Variants in FUT8 observed in about 807,000 individuals in gnomAD.
FUT8 encodes the protein fucosyltransferase 8.
Under a neutral mutation model 71.3 loss-of-function variants are expected in FUT8, and 29 were observed. The observed-to-expected ratio is 0.41, with a 90% CI of 0.30 to 0.55. The LOEUF is 0.55. FUT8 is among the 20% of genes least tolerant of loss of function. The probability of loss-of-function intolerance (pLI) is 0.34; values close to 1 mark genes in which losing one functional copy is unlikely to be tolerated. For synonymous variants in FUT8, 254 were observed against 239.3 expected (o/e 1.06, Z -0.57); for missense variants, 544 against 702.1 (o/e 0.77, Z 2.55).
chr14:65,368,233 T>G, the FUT8 span, among the ~76,000 whole-genome samples: 2 of 147,448 alleles, frequency 1.4e-5, no homozygotes, highest in Non-Finnish European at 3.0e-5. Context: ...TTTTGTATTT[T>G]TAGTAGAGAC....
intron 1 of FUT8, among the ~76,000 whole-genome samples, chr14:65,435,251 A>G: frequency 6.6e-6 from 1 of 152,110 alleles, no homozygotes; most frequent in East Asian, 1.9e-4. Flanking sequence ...TGTTGTTTAT[A>G]TGTATTATTT....
At chr14:65,700,236 A>G (rs546156396) in intron 7 of FUT8, among the ~76,000 whole-genome samples, 7 of 152,150 alleles carry the variant, frequency 4.6e-5, no homozygotes, top group African/African-American at 1.7e-4. Context: ...CCATGACATC[A>G]AGGCCTGAAT....
intron 3 of FUT8, among the ~76,000 whole-genome samples, chr14:65,610,795 G>A (rs888336089): frequency 3.9e-4 from 59 of 151,902 alleles, no homozygotes; most frequent in African/African-American, 1.4e-3. Flanking sequence ...AAAAAATTTT[G>A]TCTATAGGAA....
rs1480837374 is a variant in FUT8, at chr14:65,743,546, A to G, written c.*1136A>G. 1 of 151,830 alleles carries G rather than the reference A, an allele frequency of 6.6e-6. No homozygotes were observed. Among genetic ancestry groups the G allele is most frequent in the Non-Finnish European group, 1.5e-5 (1 of 67,876 alleles). The allele number at this position is 151,830 out of a possible 1,614,324, so 9.4% of individuals were successfully genotyped here. A position where few individuals can be genotyped will look rare whatever the true frequency, so the allele number is the denominator to read the frequency against. Reference sequence around the variant, plus strand: ...GAGTAGGGTCCTGTTTTATCCAGGAACCAATTTCTGCCCTAGCCTATCATG... The same window carrying G: ...GAGTAGGGTCCTGTTTTATCCAGGAGCCAATTTCTGCCCTAGCCTATCATG... On this transcript the variant is annotated 3_prime_UTR_variant, in exon 11 of 11. Coordinates refer to ENST00000673929, the MANE Select transcript of FUT8 (RefSeq NM_001371533.1).
chr14:65,628,873 A>G (rs1430565704), intron 5 of FUT8, among the ~76,000 whole-genome samples: 2 of 152,236 alleles, frequency 1.3e-5, no homozygotes, highest in Non-Finnish European at 2.9e-5. Flanking sequence ...ATAAAGTTTT[A>G]TTCAAACACA....
At chr14:65,393,810 T>A in the FUT8 span, among the ~76,000 whole-genome samples, 1 of 152,260 alleles carries the variant, frequency 6.6e-6, no homozygotes, top group Admixed American at 6.5e-5. Context: ...TGAGACTAGA[T>A]AATTTATAAA....
chr14:65,377,876 G>A, the FUT8 span, among the ~76,000 whole-genome samples: 2 of 151,874 alleles, frequency 1.3e-5, no homozygotes, highest in East Asian at 1.9e-4. Context: ...GATATAATAC[G>A]GTTATAAAGC....
At chr14:65,657,989 CTT>C (rs1891770283) in intron 6 of FUT8, among the ~76,000 whole-genome samples, 3 of 151,836 alleles carry the variant, frequency 2.0e-5, no homozygotes. Context: ...AAAATAGAAA[CTT>C]TTTACTTACC....
At position 65,483,998 on chromosome 14, in the gene FUT8, AT is replaced by A. The variant is rs1437121624; in HGVS notation, c.-228+28282del. Among the ~76,000 whole-genome samples, 36 of 152,300 alleles carry A rather than the reference AT, an allele frequency of 2.4e-4. No homozygotes were observed. Among genetic ancestry groups the A allele is most frequent in the African/African-American group, 8.2e-4 (34 of 41,556 alleles). Reference sequence around the variant, plus strand: ...CTCCTCGGCCTCCCAAAGTGCTGGGATTAAAGGCGTGAGCCACCACACCCGG... The same window carrying A: ...CTCCTCGGCCTCCCAAAGTGCTGGGATAAAGGCGTGAGCCACCACACCCGG... On this transcript the variant is annotated intron_variant, in intron 2 of 10. Coordinates refer to ENST00000673929, the MANE Select transcript of FUT8 (RefSeq NM_001371533.1). This position sits in a 1 kb window ranked among gnomAD's most constrained non-coding sequence, Gnocchi z 4.4.
chr14:65,712,188 G>A (rs751571159), intron 7 of FUT8, among the ~76,000 whole-genome samples: 67 of 152,166 alleles, frequency 4.4e-4, no homozygotes, highest in Non-Finnish European at 7.2e-4. Flanking sequence ...TTTGGGTCTC[G>A]TAGTTACTAC....
At chr14:65,676,604 C>T (rs1373454387) in intron 7 of FUT8, among the ~76,000 whole-genome samples, 1 of 151,120 alleles carries the variant, frequency 6.6e-6, no homozygotes, top group Non-Finnish European at 1.5e-5. Flanking sequence ...CCCCCCACCC[C>T]TCCTTCCTTC....
chr14:65,378,837 G>GTGTTT, the FUT8 span, among the ~76,000 whole-genome samples: 1 of 66,850 alleles, frequency 1.5e-5, no homozygotes, highest in Admixed American at 2.4e-4. Flanking sequence ...TCACAAGAAG[G>GTGTTT]TTTTTTTTTT....
At chr14:65,684,040 A>G (rs1252772448) in intron 7 of FUT8, among the ~76,000 whole-genome samples, 1 of 151,956 alleles carries the variant, frequency 6.6e-6, no homozygotes. Context: ...ATATATATTA[A>G]TGATAAGTAG....
chr14:65,480,299 ATT>A (rs5809276), intron 2 of FUT8, among the ~76,000 whole-genome samples: 1,171 of 96,920 alleles, frequency 0.012, 8 homozygotes, highest in African/African-American at 0.028. Context: ...ATGAACTGTG[ATT>A]TTTTTTTTTT....
intron 2 of FUT8, among the ~76,000 whole-genome samples, chr14:65,510,016 C>A (rs114044999): frequency 1.6e-4 from 25 of 152,040 alleles, no homozygotes; most frequent in Non-Finnish European, 3.4e-4. Flanking sequence ...TGTTTCAGAT[C>A]GTAAAAGACA....
chr14:65,693,445 G>T (rs28434531), intron 7 of FUT8, among the ~76,000 whole-genome samples: 1 of 152,206 alleles, frequency 6.6e-6, no homozygotes, highest in Non-Finnish European at 1.5e-5. Flanking sequence ...GCAGTGAGCC[G>T]AGACGGCGAG....
At chr14:65,504,138 G>C (rs185169978) in intron 2 of FUT8, among the ~76,000 whole-genome samples, 6 of 152,048 alleles carry the variant, frequency 3.9e-5, no homozygotes, top group Middle Eastern at 3.2e-3. Flanking sequence ...AAACTGCGAG[G>C]CTTTTTTGTA....
intron 2 of FUT8, among the ~76,000 whole-genome samples, chr14:65,481,990 G>GTT (rs1475574392): frequency 2.6e-5 from 4 of 151,964 alleles, no homozygotes; most frequent in African/African-American, 9.7e-5. Context: ...AAATTTGTTT[G>GTT]TTCTCATATG....
the FUT8 span, among the ~76,000 whole-genome samples, chr14:65,363,134 CTTTTT>C: frequency 6.6e-6 from 1 of 151,792 alleles, no homozygotes; most frequent in Non-Finnish European, 1.5e-5. Flanking sequence ...ACTTTCTTTT[CTTTTT>C]GAGATGGAAT....
Sources: allele counts gnomAD v4.1 joint callset (sites outside exome capture counted in the v4.1 genomes callset), GRCh38; gene constraint gnomAD v4.1.1; non-coding constraint Gnocchi (gnomAD v3.1); transcripts MANE v1.5; gene names NCBI Gene and HGNC (gene_info 2026-07-23, HGNC 2026-07-21).